CPEB1: variants seen among roughly 807,000 people sequenced by gnomAD.
CPEB1 encodes cytoplasmic polyadenylation element-binding protein 1.
Under a neutral mutation model 65.8 loss-of-function variants are expected in CPEB1, and 7 were observed. The observed-to-expected ratio is 0.11, with a 90% CI of 0.06 to 0.20. The LOEUF (loss-of-function observed/expected upper bound fraction) is 0.20, where lower values mean the gene tolerates loss of function less well. Ranked by LOEUF, CPEB1 falls within the 10% of genes least tolerant of loss-of-function variation. The pLI is 1.00. For missense variants in CPEB1, 551 were observed against 712.2 expected, an observed-to-expected ratio of 0.77 and a Z score of 2.58; for synonymous variants, 262 against 260.0, an observed-to-expected ratio of 1.01 and a Z score of -0.08.
chr15:82,559,996 A>C (rs1349974099), intron 4 of CPEB1, among the ~76,000 whole-genome samples: 1 of 152,150 alleles, frequency 6.6e-6, no homozygotes. Context: ...AGGCACAAGA[A>C]TTGCTTGAAC....
At chr15:82,596,770 T>C (rs779285129) in intron 3 of CPEB1, among the ~76,000 whole-genome samples, 3 of 152,120 alleles carry the variant, frequency 2.0e-5, no homozygotes, top group Non-Finnish European at 4.4e-5. Context: ...GCATGTAGTT[T>C]TGTTTACATG....
intron 3 of CPEB1, among the ~76,000 whole-genome samples, chr15:82,596,379 T>C (rs1248969241): frequency 6.6e-6 from 1 of 152,096 alleles, no homozygotes; most frequent in Non-Finnish European, 1.5e-5. Context: ...AAAGCCCAAT[T>C]TGGAAAACAT....
At chr15:82,547,368 C>T in intron 10 of CPEB1, 131 bp from the exon 11 acceptor site, 1 of 570,614 alleles carries the variant, frequency 1.8e-6, no homozygotes, top group East Asian at 3.0e-5. Flanking sequence ...GCAATCTCTG[C>T]TCACTGCAAG....
chr15:82,635,882 C>G (rs780156424), intron 1 of CPEB1, among the ~76,000 whole-genome samples: 1 of 152,106 alleles, frequency 6.6e-6, no homozygotes, highest in African/African-American at 2.4e-5. Flanking sequence ...AGAACAAGCA[C>G]AGAGAGGATA....
chr15:82,634,222 T>C (rs958560174), intron 1 of CPEB1, among the ~76,000 whole-genome samples: 2 of 151,342 alleles, frequency 1.3e-5, no homozygotes, highest in Non-Finnish European at 2.9e-5. Flanking sequence ...GAAGTATCAC[T>C]CATAACTTTT....
At chr15:82,577,681 A>AT (rs1300987617) in intron 3 of CPEB1, among the ~76,000 whole-genome samples, 1 of 151,898 alleles carries the variant, frequency 6.6e-6, no homozygotes, top group African/African-American at 2.4e-5. Context: ...TACCTGGCTA[A>AT]TTTTTTTGGG....
chr15:82,620,902 T>A (rs928872407), intron 3 of CPEB1, among the ~76,000 whole-genome samples: 1 of 152,234 alleles, frequency 6.6e-6, no homozygotes, highest in African/African-American at 2.4e-5. Context: ...CCTCTACATG[T>A]GACTAGTTAT....
At chr15:82,589,764 T>TG (rs1048991971) in intron 3 of CPEB1, among the ~76,000 whole-genome samples, 2 of 152,096 alleles carry the variant, frequency 1.3e-5, no homozygotes, top group Non-Finnish European at 2.9e-5. Flanking sequence ...TCCCTACCTG[T>TG]GGGTTCCACA....
At position 82,575,576 on chromosome 15, in the gene CPEB1, A is replaced by G. The variant is rs117739328; in HGVS notation, c.272-4044T>C. ...TACCCACAACCATATCTGACAAATCAGTAAAAGAAATCTTAACTGAAAAGT... is the reference window on the plus strand; with the variant it reads ...TACCCACAACCATATCTGACAAATCGGTAAAAGAAATCTTAACTGAAAAGT... On this transcript the variant is annotated intron_variant, in intron 3 of 12. Coordinates refer to ENST00000684509, the MANE Select transcript of CPEB1 (RefSeq NM_001365242.1). Among the ~76,000 whole-genome samples, 422 of 152,326 alleles carry G rather than the reference A, an allele frequency of 2.8e-3. 5 individuals are homozygous for G. The highest frequency in any genetic ancestry group is 0.01 in the Middle Eastern group (3 of 294).
In CPEB1 at chr15:82,555,931, G is replaced by A. The variant is rs751414381; in HGVS notation, c.879C>T (p.Leu293=). 43 of 1,613,430 alleles carry A rather than the reference G, an allele frequency of 2.7e-5. No homozygotes were observed. The highest frequency in any genetic ancestry group is 1.3e-4 in the African/African-American group (10 of 74,874). ...TGCTGAAGGGGTCTTTGGGAGCTTC[G>A]AGGAGGTCCCAGGATGGCCACACAG... The part of the protein sequence containing the change: ...GASVWPSWDL[L]EAPKDPFSIE... Residue 293 remains leucine, a synonymous_variant, in exon 6 of 13, where the codon CTC becomes CTT. Coordinates refer to ENST00000684509, the MANE Select transcript of CPEB1 (RefSeq NM_001365242.1).
At chr15:82,634,365 C>G (rs1379971803) in intron 1 of CPEB1, among the ~76,000 whole-genome samples, 1 of 152,124 alleles carries the variant, frequency 6.6e-6, no homozygotes, top group Non-Finnish European at 1.5e-5. Flanking sequence ...ATCATACTCC[C>G]CAGACCCAGC....
intron 3 of CPEB1, among the ~76,000 whole-genome samples, chr15:82,624,401 T>G (rs914940007): frequency 6.6e-6 from 1 of 152,270 alleles, no homozygotes; most frequent in East Asian, 1.9e-4. Context: ...GTTGAGCAGG[T>G]ACCATTCTGT....
intron 1 of CPEB1, chr15:82,640,674 A>G (rs1355890305): frequency 1.3e-5 from 2 of 152,312 alleles, no homozygotes; most frequent in South Asian, 2.1e-4. Flanking sequence ...AGATACACGC[A>G]TTCGGTAGTC....
intron 1 of CPEB1, among the ~76,000 whole-genome samples, chr15:82,645,145 G>C (rs1034620828): frequency 2.6e-5 from 4 of 152,140 alleles, no homozygotes; most frequent in Admixed American, 6.5e-5. Context: ...GTTCGGAGGG[G>C]GGAAACCAAG....
chr15:82,573,360 C>A, intron 3 of CPEB1: 1 of 558,676 alleles, frequency 1.8e-6, no homozygotes, highest in African/African-American at 2.0e-5. Flanking sequence ...AAAGGCCTAG[C>A]AAAAATCACC....
chr15:82,601,891 T>C (rs2043152063), intron 3 of CPEB1, among the ~76,000 whole-genome samples: 1 of 152,098 alleles, frequency 6.6e-6, no homozygotes, highest in Non-Finnish European at 1.5e-5. Context: ...GGAGAGATAA[T>C]TGAGATAACG....
intron 3 of CPEB1, among the ~76,000 whole-genome samples, chr15:82,592,876 G>T (rs994732509): frequency 6.6e-6 from 1 of 151,602 alleles, no homozygotes; most frequent in African/African-American, 2.4e-5. Flanking sequence ...ACATGCCTGT[G>T]GTCCCAGCTA....
chr15:82,603,307 C>CT (rs1228800794), intron 3 of CPEB1, among the ~76,000 whole-genome samples: 2 of 151,888 alleles, frequency 1.3e-5, no homozygotes, highest in Non-Finnish European at 2.9e-5. Context: ...TTTGACCTAC[C>CT]TCCGAGCTCA....
At chr15:82,624,429 T>C (rs1275686729) in intron 3 of CPEB1, among the ~76,000 whole-genome samples, 1 of 152,184 alleles carries the variant, frequency 6.6e-6, no homozygotes, top group East Asian at 1.9e-4. Flanking sequence ...CTGAGAAAAC[T>C]GACCTCTTTA....
Sources: gnomAD v4.1 joint callset for allele counts (sites outside exome capture counted in the v4.1 genomes callset) on GRCh38, gnomAD v4.1.1 for gene constraint, MANE v1.5 for transcripts, NCBI Gene and HGNC (gene_info 2026-07-23, HGNC 2026-07-21) for gene names.